ATG7: variants seen among roughly 807,000 people sequenced by gnomAD.
ATG7 encodes autophagy related 7.
ATG7 carries 70 observed loss-of-function variants against 82.4 expected under a neutral mutation model. The observed-to-expected ratio is 0.85, with a 90% CI of 0.70 to 1.04. ATG7 has a LOEUF of 1.04. Ranked by LOEUF, ATG7 falls within the 50% of genes least tolerant of loss-of-function variation. The pLI is 0.00. For missense variants in ATG7, 792 were observed against 864.3 expected, an observed-to-expected ratio of 0.92 and a Z score of 1.05; for synonymous variants, 287 against 313.0, an observed-to-expected ratio of 0.92 and a Z score of 0.88.
intron 9 of ATG7, among the ~76,000 whole-genome samples, chr3:11,329,194 G>A (rs1951296408): frequency 6.6e-6 from 1 of 152,198 alleles, no homozygotes; most frequent in Non-Finnish European, 1.5e-5. Context: ...CAAAGAATAA[G>A]TTCATGGGCA....
chr3:11,309,100 A>T, intron 7 of ATG7, 39 bp downstream of exon 7: 1 of 1,560,166 alleles, frequency 6.4e-7, no homozygotes, highest in Non-Finnish European at 8.8e-7. Flanking sequence ...AGGTTGGTGA[A>T]ATCCCCTGGC....
intron 20 of ATG7, among the ~76,000 whole-genome samples, chr3:11,534,113 G>A (rs2092744405): frequency 6.6e-6 from 1 of 152,192 alleles, no homozygotes; most frequent in Non-Finnish European, 1.5e-5. Context: ...CTATCCAGTT[G>A]GCACAGCCAT....
chr3:11,525,859 T>C lies in ATG7; in HGVS notation c.2080-28952T>C, dbSNP rs146581891. 3.4e-3 allele frequency among the ~76,000 whole-genome samples: 523 copies of C among 152,214 alleles called. 4 individuals are homozygous for C. Among genetic ancestry groups the C allele is most frequent in the African/African-American group, 0.012 (489 of 41,536 alleles). On this transcript the variant is annotated intron_variant, in intron 20 of 20. Transcript: ENST00000693202. The stretch of plus-strand genomic sequence containing the variant: ...GTGAGCCACTGCACCTCGCCAGTTA[T>C]AGCCATTTTTAAATCAAAAGACCAC...
At chr3:11,402,624 G>A (rs1170264115) in intron 19 of ATG7, among the ~76,000 whole-genome samples, 1 of 151,760 alleles carries the variant, frequency 6.6e-6, no homozygotes, top group Non-Finnish European at 1.5e-5. Context: ...GAAAGTCAAG[G>A]CCAGCCTGGG....
At chr3:11,480,656 C>G (rs1023385875) in intron 20 of ATG7, among the ~76,000 whole-genome samples, 2 of 152,198 alleles carry the variant, frequency 1.3e-5, no homozygotes, top group Admixed American at 1.3e-4. Context: ...TCTGCCTCCC[C>G]TCTGGGCTGG....
At chr3:11,359,152 A>G (rs896415266) in intron 15 of ATG7, among the ~76,000 whole-genome samples, 43 of 152,118 alleles carry the variant, frequency 2.8e-4, no homozygotes, top group African/African-American at 1.0e-3. Flanking sequence ...TTATCTGTCT[A>G]TTGAGAGAGG....
chr3:11,396,050 A>G (rs2152883880), intron 19 of ATG7, among the ~76,000 whole-genome samples: 1 of 152,068 alleles, frequency 6.6e-6, no homozygotes, highest in Admixed American at 6.6e-5. Flanking sequence ...TGTTTACACA[A>G]AAGGACTTTT....
At position 11,478,248 on chromosome 3, in the gene ATG7, T is replaced by A. The variant is rs140966732; in HGVS notation, c.2079+51322T>A. ...CTAAAGTATCCAAACTTAAAAAAAATTATTTAAATGTTTTCCCAGAATGAA... is the reference window on the plus strand; with the variant it reads ...CTAAAGTATCCAAACTTAAAAAAAAATATTTAAATGTTTTCCCAGAATGAA... On this transcript the variant is annotated intron_variant, in intron 20 of 20. Transcript: ENST00000693202. 5.0e-3 allele frequency among the ~76,000 whole-genome samples: 755 copies of A among 152,314 alleles called. 6 individuals are homozygous for A. The highest frequency in any genetic ancestry group is 0.017 in the African/African-American group (723 of 41,572).
intron 14 of ATG7, among the ~76,000 whole-genome samples, chr3:11,353,242 G>A (rs1483225074): frequency 1.3e-5 from 2 of 152,070 alleles, no homozygotes; most frequent in South Asian, 2.1e-4. Context: ...AAGAGATCGA[G>A]ACCATCCTGG....
intron 20 of ATG7, among the ~76,000 whole-genome samples, chr3:11,436,556 T>C (rs1303485332): frequency 2.0e-5 from 3 of 152,202 alleles, no homozygotes; most frequent in African/African-American, 7.2e-5. Context: ...TGTGTGTGTG[T>C]GTATAAATAT....
intron 18 of ATG7, among the ~76,000 whole-genome samples, chr3:11,370,201 T>G (rs541640498): frequency 6.6e-6 from 1 of 151,322 alleles, no homozygotes; most frequent in Non-Finnish European, 1.5e-5. Context: ...AAAAGGAATT[T>G]ATAAAGACTC....
intron 20 of ATG7, among the ~76,000 whole-genome samples, chr3:11,498,634 C>T (rs1178120456): frequency 2.0e-5 from 3 of 152,228 alleles, no homozygotes; most frequent in African/African-American, 7.2e-5. Flanking sequence ...CCAAGACCTG[C>T]TGGCCAGACT....
chr3:11,429,255 G>A (rs2082640071), intron 20 of ATG7, among the ~76,000 whole-genome samples: 1 of 152,138 alleles, frequency 6.6e-6, no homozygotes, highest in Admixed American at 6.5e-5. Context: ...TAGCACTTTG[G>A]GAGGCCGAGG....
intron 20 of ATG7, among the ~76,000 whole-genome samples, chr3:11,440,962 C>T (rs900162018): frequency 1.3e-5 from 2 of 151,962 alleles, no homozygotes; most frequent in African/African-American, 4.8e-5. Context: ...GAGATATAGG[C>T]ATGAGCCACT....
intron 3 of ATG7, among the ~76,000 whole-genome samples, chr3:11,291,795 C>T (rs148960897): frequency 4.6e-4 from 70 of 152,298 alleles, no homozygotes; most frequent in African/African-American, 1.7e-3. Context: ...TTACTGACAG[C>T]TTCATAAGGA....
In ATG7 at chr3:11,472,630, C is replaced by T. The variant is rs566988242; in HGVS notation, c.2079+45704C>T. 2.6e-5 allele frequency among the ~76,000 whole-genome samples: 4 copies of T among 152,284 alleles called. No homozygotes were observed. The East Asian group carries it at 7.7e-4, about 29-fold the overall frequency. ...TGTCCACTGTGGTTATCTTACCTTT[C>T]TTTTTTGTTGCTAATACGTCTGTTA... On this transcript the variant is annotated intron_variant, in intron 20 of 20. Coordinates refer to ENST00000693202, the MANE Select transcript of ATG7 (RefSeq NM_001349232.2).
the ATG7 span, chr3:11,564,722 T>C: frequency 1.5e-6 from 2 of 1,345,894 alleles, no homozygotes; most frequent in Non-Finnish European, 2.0e-6. Context: ...CGGAGTCCTC[T>C]GCTCGGGGCT....
At chr3:11,414,569 C>T (rs1172954739) in intron 19 of ATG7, among the ~76,000 whole-genome samples, 1 of 152,094 alleles carries the variant, frequency 6.6e-6, no homozygotes, top group African/African-American at 2.4e-5. Context: ...TTAGCTAGGC[C>T]TTCTATTATG....
In ATG7 at chr3:11,527,091, A is replaced by G. The variant is rs917869041; in HGVS notation, c.2080-27720A>G. Among the ~76,000 whole-genome samples, 7 of 147,148 alleles carry G rather than the reference A, an allele frequency of 4.8e-5. 1 individual carries two copies. In the South Asian group the frequency reaches 1.5e-3, roughly 32 times the overall value. On this transcript the variant is annotated intron_variant, in intron 20 of 20. Coordinates refer to ENST00000693202, the MANE Select transcript of ATG7 (RefSeq NM_001349232.2). ...TGTGTGTATATATATATATATATAT[A>G]TACATACATATACATATACACACAT...
Sources: allele counts gnomAD v4.1 joint callset (sites outside exome capture counted in the v4.1 genomes callset), GRCh38; gene constraint gnomAD v4.1.1; transcripts MANE v1.5; gene names NCBI Gene and HGNC (gene_info 2026-07-23, HGNC 2026-07-21).